NOX3: variants seen among roughly 807,000 people sequenced by gnomAD.
NOX3 encodes NADPH oxidase 3.
A neutral mutation model predicts 76.7 loss-of-function variants in NOX3; 74 were observed. The observed-to-expected ratio is 0.96, with a 90% CI of 0.80 to 1.17. The LOEUF (loss-of-function observed/expected upper bound fraction) is 1.17, where lower values mean the gene tolerates loss of function less well. Among genes scored for constraint, NOX3 ranks in the 50% most tolerant of loss-of-function variants. NOX3 has a pLI of 0.00. For missense variants in NOX3, 695 were observed against 703.3 expected, an observed-to-expected ratio of 0.99 and a Z score of 0.13; for synonymous variants, 263 against 261.1, an observed-to-expected ratio of 1.01 and a Z score of -0.07.
At chr6:155,442,879 G>A (rs1777011908) in intron 5 of NOX3, among the ~76,000 whole-genome samples, 2 of 152,188 alleles carry the variant, frequency 1.3e-5, no homozygotes, top group Non-Finnish European at 2.9e-5. Context: ...GATTGAAAAT[G>A]AAGACATCCA....
At chr6:155,417,773 T>C (rs1487168275) in intron 10 of NOX3, among the ~76,000 whole-genome samples, 2 of 151,732 alleles carry the variant, frequency 1.3e-5, no homozygotes, top group East Asian at 1.9e-4. Context: ...GTTTTATTAA[T>C]ATATTTTAGT....
intron 10 of NOX3, among the ~76,000 whole-genome samples, chr6:155,420,285 C>T (rs1333338249): frequency 6.6e-6 from 1 of 152,174 alleles, no homozygotes; most frequent in East Asian, 1.9e-4. Flanking sequence ...ATGAGACACG[C>T]TATCCACCAC....
chr6:155,453,681 C>A (rs767500846), intron 3 of NOX3, among the ~76,000 whole-genome samples, 193 bp from the exon 4 acceptor site: 2 of 152,116 alleles, frequency 1.3e-5, no homozygotes, highest in Non-Finnish European at 2.9e-5. Flanking sequence ...ACTCTCAACT[C>A]AAAAATGATT....
At chr6:155,445,986 T>G (rs1461954919) in intron 4 of NOX3, among the ~76,000 whole-genome samples, 1 of 124,710 alleles carries the variant, frequency 8.0e-6, no homozygotes, top group African/African-American at 2.8e-5. Context: ...ATATGCTATA[T>G]ATATATATAT....
At chr6:155,448,330 G>A (rs1397973103) in intron 4 of NOX3, among the ~76,000 whole-genome samples, 2 of 152,134 alleles carry the variant, frequency 1.3e-5, no homozygotes, top group African/African-American at 4.8e-5. Context: ...AGCCAACTCT[G>A]GCTTAATTGG....
Position 155,410,584 on chromosome 6 carries a change from T to C in NOX3, c.1455+630A>G, listed in dbSNP as rs554077044. On this transcript the variant is annotated intron_variant, in intron 11 of 13. Coordinates refer to ENST00000159060, the MANE Select transcript of NOX3 (RefSeq NM_015718.3). Reference sequence around the variant, plus strand: ...TACTACCATAGTCAATATTTTGGTATACATTATTTTTGGTAAATTCAATCT... The same window carrying C: ...TACTACCATAGTCAATATTTTGGTACACATTATTTTTGGTAAATTCAATCT... 2.4e-4 allele frequency among the ~76,000 whole-genome samples: 37 copies of C among 152,322 alleles called. No individual in the cohort carries two copies. In the South Asian group the frequency reaches 7.5e-3, roughly 31 times the overall value.
At chr6:155,413,599 C>T (rs778260682) in intron 10 of NOX3, among the ~76,000 whole-genome samples, 4 of 152,076 alleles carry the variant, frequency 2.6e-5, no homozygotes, top group Admixed American at 6.5e-5. Context: ...GCTTTCTTTT[C>T]GCTTTGTATT....
intron 7 of NOX3, among the ~76,000 whole-genome samples, chr6:155,434,174 A>G (rs543122301): frequency 1.3e-5 from 2 of 152,280 alleles, no homozygotes; most frequent in South Asian, 2.1e-4. Context: ...TGCATTGCCA[A>G]GCAATGCACT....
chr6:155,440,022 TC>T lies in NOX3; in HGVS notation c.601del (p.Glu201SerfsTer72). On this transcript the variant is annotated frameshift_variant, in exon 6 of 14. Coordinates refer to ENST00000159060, the MANE Select transcript of NOX3 (RefSeq NM_015718.3). LOFTEE classifies it high-confidence loss of function. ...STEFIRQASY[E>X]LFWYTHHVFI... ...AACATGGTGTGTGTACCAGAACAACTCATAGGAGGCCTGTCTGATGAACTCA... is the reference window on the plus strand; with the variant it reads ...AACATGGTGTGTGTACCAGAACAACTATAGGAGGCCTGTCTGATGAACTCA... 1 of 1,613,882 alleles carries T rather than the reference TC, an allele frequency of 6.2e-7. No individual in the cohort carries two copies. The highest frequency in any genetic ancestry group is 8.5e-7 in the Non-Finnish European group (1 of 1,179,942).
At chr6:155,430,794 T>A (rs1263665975) in intron 8 of NOX3, 49 bp downstream of exon 8, 1 of 1,348,504 alleles carries the variant, frequency 7.4e-7, no homozygotes, top group East Asian at 2.3e-5. Context: ...TAATAAAAAA[T>A]TTTCATCTAC....
intron 10 of NOX3, among the ~76,000 whole-genome samples, chr6:155,419,347 A>G (rs1217206221): frequency 6.6e-6 from 1 of 152,210 alleles, no homozygotes; most frequent in African/African-American, 2.4e-5. Flanking sequence ...ACTTTGAAGC[A>G]GAAATCAGAA....
chr6:155,410,718 A>G (rs939010412), intron 11 of NOX3, among the ~76,000 whole-genome samples: 10 of 152,354 alleles, frequency 6.6e-5, no homozygotes, highest in African/African-American at 2.4e-4. Context: ...ACACCTTAAG[A>G]GAACAAACTC....
At position 155,449,975 on chromosome 6, in the gene NOX3, C is replaced by T. The variant is rs560282390; in HGVS notation, c.340+3429G>A. Among the ~76,000 whole-genome samples the T allele has an allele frequency of 2.7e-4, 41 of 152,298 alleles. No individual in the cohort carries two copies. In the South Asian group the frequency reaches 7.5e-3, roughly 28 times the overall value. On this transcript the variant is annotated intron_variant, in intron 4 of 13. Transcript: ENST00000159060. Reference sequence around the variant, plus strand: ...TCCTCCCAAAAGCGCAGTTGCCAGACGCATTTCTTCGTTCATGTGAAATGT... The same window carrying T: ...TCCTCCCAAAAGCGCAGTTGCCAGATGCATTTCTTCGTTCATGTGAAATGT...
chr6:155,416,822 T>C (rs542024294), intron 10 of NOX3, among the ~76,000 whole-genome samples: 62 of 143,412 alleles, frequency 4.3e-4, no homozygotes, highest in African/African-American at 1.6e-3. Flanking sequence ...GCAATCTCAG[T>C]TCACTGCAAC....
At chr6:155,401,871 G>A (rs1320740260) in intron 12 of NOX3, among the ~76,000 whole-genome samples, 1 of 151,452 alleles carries the variant, frequency 6.6e-6, no homozygotes, top group East Asian at 1.9e-4. Context: ...AAGGCGTGGT[G>A]AAGTTATTAA....
intron 10 of NOX3, among the ~76,000 whole-genome samples, chr6:155,418,965 T>C (rs1224502873): frequency 7.2e-5 from 11 of 152,266 alleles, no homozygotes; most frequent in African/African-American, 2.7e-4. Context: ...TCAACGCCTA[T>C]GCGAGTTGTC....
rs1235158070 is a variant in NOX3, at chr6:155,455,758, A to G, written c.43T>C (p.Leu15=). The change falls in exon 1 of 14, where the codon TTA becomes CTA. Residue 15 remains leucine, a synonymous_variant. Transcript: ENST00000159060. ...WILNEGLSTI[L]VLSWLGINFY... ...ATAACAAAAATGATACTTACTACTA[A>G]TATGGTGGAGAGACCCTCATTCAAA... 1 of 1,612,276 alleles carries G rather than the reference A, an allele frequency of 6.2e-7. No individual in the cohort carries two copies.
intron 6 of NOX3, among the ~76,000 whole-genome samples, chr6:155,438,941 GGTTTAATT>G: frequency 6.6e-6 from 1 of 152,296 alleles, no homozygotes; most frequent in South Asian, 2.1e-4. Flanking sequence ...TGTTGAGGAA[GGTTTAATT>G]CCTAAAATGG....
intron 4 of NOX3, among the ~76,000 whole-genome samples, chr6:155,446,439 T>C (rs1777065732): frequency 6.6e-6 from 1 of 152,216 alleles, no homozygotes; most frequent in African/African-American, 2.4e-5. Flanking sequence ...ACAGACACTG[T>C]TGTAAATGCT....
Sources: allele counts gnomAD v4.1 joint callset (sites outside exome capture counted in the v4.1 genomes callset), GRCh38; gene constraint gnomAD v4.1.1; transcripts MANE v1.5; gene names NCBI Gene and HGNC (gene_info 2026-07-23, HGNC 2026-07-21).